Variants in GRB10 observed in about 807,000 individuals in gnomAD.
GRB10 encodes the protein growth factor receptor bound protein 10.
In GRB10, 20 loss-of-function variants were observed where a neutral mutation model predicts 80.9. The ratio of observed to expected loss-of-function variants is 0.25; its 90% confidence interval spans 0.17 to 0.36. The LOEUF (loss-of-function observed/expected upper bound fraction) is 0.36. Among genes scored for constraint, GRB10 ranks in the 10% least tolerant of loss-of-function variants. The pLI, the probability that GRB10 is intolerant of heterozygous loss-of-function variation, is 1.00. For synonymous variants in GRB10, 291 were observed against 291.5 expected, an observed-to-expected ratio of 1.00 and a Z score of 0.02; for missense variants, 548 against 747.7, an observed-to-expected ratio of 0.73 and a Z score of 3.12.
intron 5 of GRB10, among the ~76,000 whole-genome samples, chr7:50,678,659 T>A (rs1358795895): frequency 6.6e-6 from 1 of 152,200 alleles, no homozygotes; most frequent in Non-Finnish European, 1.5e-5. Context: ...ATTTTTCATA[T>A]TCTACACCAT....
intron 17 of GRB10, among the ~76,000 whole-genome samples, chr7:50,601,886 T>C (rs1279661845): frequency 6.6e-5 from 10 of 152,214 alleles, no homozygotes; most frequent in Admixed American, 5.2e-4. Flanking sequence ...TTGAGTCTAA[T>C]ACATCTTGTC....
intron 5 of GRB10, among the ~76,000 whole-genome samples, chr7:50,694,643 G>A (rs185946070): frequency 2.0e-5 from 3 of 152,206 alleles, no homozygotes; most frequent in Non-Finnish European, 2.9e-5. Context: ...CCCACAGGCT[G>A]GCACTGATTA....
intron 2 of GRB10, among the ~76,000 whole-genome samples, chr7:50,770,327 C>T (rs2076860950): frequency 6.6e-6 from 1 of 152,230 alleles, no homozygotes; most frequent in Admixed American, 6.5e-5. Flanking sequence ...CTCAAGATCT[C>T]TCTGAGGCCT....
intron 7 of GRB10, among the ~76,000 whole-genome samples, chr7:50,643,757 G>C (rs1248694543): frequency 6.6e-6 from 1 of 152,144 alleles, no homozygotes; most frequent in African/African-American, 2.4e-5. Flanking sequence ...ATCATGGTGT[G>C]TGTACATATA....
chr7:50,790,979 C>A (rs1463625804), intron 1 of GRB10, among the ~76,000 whole-genome samples: 4 of 152,184 alleles, frequency 2.6e-5, no homozygotes, highest in African/African-American at 9.7e-5. Context: ...GCTCTTTAAA[C>A]TGGGTCAGGG....
At chr7:50,680,800 T>G (rs1359931808) in intron 5 of GRB10, among the ~76,000 whole-genome samples, 5 of 152,046 alleles carry the variant, frequency 3.3e-5, no homozygotes, top group Admixed American at 6.6e-5. Flanking sequence ...TCTTAGAATG[T>G]TTTTTTTCTT....
intron 3 of GRB10, 35 bp from the exon 4 acceptor site, chr7:50,732,403 GAAA>G: frequency 1.0e-4 from 95 of 914,100 alleles, no homozygotes; most frequent in Admixed American, 1.6e-4. Flanking sequence ...AGCCAAGCCA[GAAA>G]AAAAAAAAAA....
At chr7:50,713,670 C>T (rs1309416470) in intron 4 of GRB10, among the ~76,000 whole-genome samples, 4 of 149,230 alleles carry the variant, frequency 2.7e-5, no homozygotes, top group Admixed American at 2.0e-4. Context: ...CCTCCACCAC[C>T]ACCTCCACCT....
chr7:50,723,604 C>T (rs1265722828), intron 4 of GRB10, among the ~76,000 whole-genome samples: 3 of 152,150 alleles, frequency 2.0e-5, no homozygotes, highest in Admixed American at 6.5e-5. Flanking sequence ...GAGCAAAGGC[C>T]CTGTTCAGGG....
chr7:50,730,326 G>A (rs2069457141), intron 4 of GRB10, among the ~76,000 whole-genome samples: 2 of 152,296 alleles, frequency 1.3e-5, no homozygotes, highest in East Asian at 1.9e-4. Flanking sequence ...AGCCACTGCT[G>A]CAAGTGAACA....
chr7:50,603,950 C>T (rs2048071854), intron 17 of GRB10, 48 bp downstream of exon 17: 4 of 1,371,272 alleles, frequency 2.9e-6, no homozygotes, highest in South Asian at 1.2e-5. Context: ...ATCCCCAGCA[C>T]AATAAAACCT....
intron 5 of GRB10, among the ~76,000 whole-genome samples, chr7:50,686,947 C>T (rs1295320464): frequency 6.6e-6 from 1 of 152,128 alleles, no homozygotes; most frequent in Non-Finnish European, 1.5e-5. Flanking sequence ...AGATACCTTC[C>T]TTTGTCAGTG....
intron 10 of GRB10, among the ~76,000 whole-genome samples, chr7:50,617,709 T>C (rs1350197905): frequency 6.6e-6 from 1 of 152,206 alleles, no homozygotes. Flanking sequence ...GGCGGTGGCC[T>C]GACCTGGGAC....
At chr7:50,780,259 AC>A (rs1308811532) in intron 2 of GRB10, among the ~76,000 whole-genome samples, 1 of 152,316 alleles carries the variant, frequency 6.6e-6, no homozygotes, top group East Asian at 1.9e-4. Flanking sequence ...GGTCCATCAC[AC>A]CAGTTCTGCA....
At chr7:50,595,647 C>A in intron 17 of GRB10, 117 bp from the exon 18 acceptor site, 1 of 522,452 alleles carries the variant, frequency 1.9e-6, no homozygotes, top group Non-Finnish European at 3.4e-6. Flanking sequence ...AGGCTTGGAG[C>A]CACAATGCTT....
intron 2 of GRB10, among the ~76,000 whole-genome samples, chr7:50,770,667 T>A (rs1184913159): frequency 6.6e-6 from 1 of 152,190 alleles, no homozygotes; most frequent in Non-Finnish European, 1.5e-5. Flanking sequence ...ATAAGACTGA[T>A]TGCAGGTGGC....
chr7:50,598,895 A>G (rs1585436480), intron 17 of GRB10, among the ~76,000 whole-genome samples: 2 of 151,356 alleles, frequency 1.3e-5, no homozygotes, highest in East Asian at 3.9e-4. Flanking sequence ...TGACACAGGG[A>G]TCGATGCCTG....
At position 50,619,151 on chromosome 7, in the gene GRB10, C is replaced by T; in HGVS notation, c.777+19G>A. On this transcript the variant is annotated intron_variant, in intron 9 of 18. Transcript: ENST00000401949. ...ATTTCAAGAGTCCCAAACCCCAAACCTGAAGAGGTAAGACTCACCATGGGA... is the reference window on the plus strand; with the variant it reads ...ATTTCAAGAGTCCCAAACCCCAAACTTGAAGAGGTAAGACTCACCATGGGA... 1 of 1,417,742 alleles carries T rather than the reference C, an allele frequency of 7.1e-7. No homozygotes were observed. Among genetic ancestry groups the T allele is most frequent in the Non-Finnish European group, 1.0e-6 (1 of 1,000,666 alleles). The allele number at this position is 1,417,742 out of a possible 1,614,324, so 87.8% of individuals were successfully genotyped here.
chr7:50,667,787 G>A (rs1208049134), intron 7 of GRB10, among the ~76,000 whole-genome samples: 2 of 152,056 alleles, frequency 1.3e-5, no homozygotes, highest in African/African-American at 4.8e-5. Context: ...CCAATGCCAC[G>A]TTCTCATGGG....
Sources: allele counts gnomAD v4.1 joint callset (sites outside exome capture counted in the v4.1 genomes callset), GRCh38; gene constraint gnomAD v4.1.1; transcripts MANE v1.5; gene names NCBI Gene and HGNC (gene_info 2026-07-23, HGNC 2026-07-21).